Variants in WDR72 observed in about 807,000 individuals in gnomAD.
WDR72 encodes WD repeat-containing protein 72.
Under a neutral mutation model 124.2 loss-of-function variants are expected in WDR72, and 120 were observed. The observed-to-expected ratio is 0.97, with a 90% confidence interval of 0.83 to 1.12. The LOEUF is 1.12. WDR72 is among the 50% of genes most tolerant of loss of function. WDR72 has a pLI of 0.00. For synonymous variants in WDR72, 452 were observed against 441.7 expected (o/e 1.02, Z -0.29); for missense variants, 1,387 against 1,278.8 (o/e 1.08, Z -1.29).
chr15:53,725,736 T>A lies in WDR72; in HGVS notation c.154-2828A>T, dbSNP rs141488668. 3.5e-3 allele frequency among the ~76,000 whole-genome samples: 533 copies of A among 152,192 alleles called. 6 individuals are homozygous for A. The highest frequency in any genetic ancestry group is 0.012 in the African/African-American group (510 of 41,534). On this transcript the variant is annotated intron_variant, in intron 2 of 19. Transcript: ENST00000360509. Reference sequence around the variant, plus strand: ...TTATGATTCCAACTATACGACATTGTGGAAAAGGCAAAACTTAGCAGACAA... The same window carrying A: ...TTATGATTCCAACTATACGACATTGAGGAAAAGGCAAAACTTAGCAGACAA...
chr15:53,722,348 G>C (rs554036259), intron 3 of WDR72, among the ~76,000 whole-genome samples: 3 of 152,216 alleles, frequency 2.0e-5, no homozygotes, highest in African/African-American at 7.2e-5. Flanking sequence ...TAGTTTTATA[G>C]TAGCATCAGA....
chr15:53,752,286 G>A (rs1044708213), intron 1 of WDR72, among the ~76,000 whole-genome samples: 1 of 152,090 alleles, frequency 6.6e-6, no homozygotes, highest in Non-Finnish European at 1.5e-5. Flanking sequence ...GCCCTAACTC[G>A]GAGTACCTCC....
intron 14 of WDR72, among the ~76,000 whole-genome samples, chr15:53,649,083 A>G (rs1325876420): frequency 6.6e-6 from 1 of 152,150 alleles, no homozygotes; most frequent in Non-Finnish European, 1.5e-5. Flanking sequence ...GGCCTATTAT[A>G]GTCAATTATA....
At position 53,637,831 on chromosome 15, in the gene WDR72, GA is replaced by G. The variant is rs200635451; in HGVS notation, c.1963-21589del. Among the ~76,000 whole-genome samples the G allele has an allele frequency of 8.5e-5, 13 of 152,228 alleles. No individual in the cohort carries two copies. In the East Asian group the frequency reaches 2.5e-3, roughly 29 times the overall value. On this transcript the variant is annotated intron_variant, in intron 14 of 19. Transcript: ENST00000360509. The stretch of plus-strand genomic sequence containing the variant: ...ATATTTTTAGCCTTAGGCATTCACA[GA>G]AACTGTTCATGCGTGAAAGTGTGAG...
At chr15:53,533,534 C>G (rs1892597347) in intron 18 of WDR72, among the ~76,000 whole-genome samples, 1 of 152,078 alleles carries the variant, frequency 6.6e-6, no homozygotes, top group Admixed American at 6.6e-5. Flanking sequence ...AGTAGAAAAC[C>G]CACAAGGACC....
intron 11 of WDR72, 37 bp from the exon 12 acceptor site, chr15:53,702,391 A>C: frequency 1.3e-6 from 2 of 1,521,224 alleles, no homozygotes; most frequent in Non-Finnish European, 1.8e-6. Flanking sequence ...TACAGATGTT[A>C]TTTTTGTTCA....
At chr15:53,667,377 G>A (rs917494345) in intron 13 of WDR72, among the ~76,000 whole-genome samples, 1 of 151,938 alleles carries the variant, frequency 6.6e-6, no homozygotes, top group South Asian at 2.1e-4. Context: ...CACAAAGTTC[G>A]TCACAATGGT....
At chr15:53,748,574 A>G (rs2018698699) in intron 1 of WDR72, among the ~76,000 whole-genome samples, 1 of 152,032 alleles carries the variant, frequency 6.6e-6, no homozygotes, top group African/African-American at 2.4e-5. Flanking sequence ...CCTTTCCTCT[A>G]CCTTTCAAAA....
intron 18 of WDR72, among the ~76,000 whole-genome samples, chr15:53,558,066 C>T (rs532235585): frequency 6.6e-6 from 1 of 152,070 alleles, no homozygotes; most frequent in South Asian, 2.1e-4. Flanking sequence ...GAGTAGAGGA[C>T]TCAGAACAAA....
intron 18 of WDR72, among the ~76,000 whole-genome samples, chr15:53,554,181 G>T (rs1203618639): frequency 1.3e-5 from 2 of 151,982 alleles, no homozygotes; most frequent in Admixed American, 6.6e-5. Flanking sequence ...GACTATGATA[G>T]TCTTCTTCAC....
chr15:53,523,024 C>T, intron 19 of WDR72, among the ~76,000 whole-genome samples, 194 bp downstream of exon 19: 1 of 151,910 alleles, frequency 6.6e-6, no homozygotes, highest in East Asian at 1.9e-4. Context: ...GTACTTCCTC[C>T]AACTGAATTC....
intron 13 of WDR72, among the ~76,000 whole-genome samples, chr15:53,690,710 T>C (rs1326670872): frequency 1.3e-5 from 2 of 152,208 alleles, no homozygotes; most frequent in African/African-American, 4.8e-5. Flanking sequence ...CCTCCATTGA[T>C]GGACATTTAG....
intron 13 of WDR72, among the ~76,000 whole-genome samples, chr15:53,668,996 A>AGGGGAAGGAGAAGGAGAAGGAGGAGGG (rs781054932): frequency 9.5e-6 from 1 of 105,068 alleles, no homozygotes; most frequent in African/African-American, 3.1e-5. Context: ...AAGGAGGAGG[A>AGGGGAAGGAGAAGGAGAAGGAGGAGGG]GAAGGAGAAG....
chr15:53,541,846 GCAGAAGCCT>G (rs2140260127), intron 18 of WDR72, among the ~76,000 whole-genome samples: 1 of 121,234 alleles, frequency 8.2e-6, no homozygotes, highest in East Asian at 2.3e-4. Context: ...CGTGAAGAAT[GCAGAAGCCT>G]CAGGAGCCGA....
intron 19 of WDR72, among the ~76,000 whole-genome samples, chr15:53,522,446 GATA>G (rs1891855993): frequency 6.6e-6 from 1 of 152,018 alleles, no homozygotes; most frequent in Admixed American, 6.6e-5. Context: ...TTTCATTCAT[GATA>G]ATAAGGTACC....
rs2017647903 is a variant in WDR72 at position 53,714,472 on chromosome 15, T to C, written c.553A>G (p.Lys185Glu). The change falls in exon 6 of 20, where the codon AAA (lysine) becomes GAA (glutamate). Residue 185 changes from lysine (K) to glutamate (E), a missense_variant. By Grantham distance (56) the Lys-to-Glu change is moderately conservative. Coordinates refer to ENST00000360509, the MANE Select transcript of WDR72 (RefSeq NM_182758.4). Reference sequence around the variant, plus strand: ...ATAGATGAGGAAAGATCCCATACTTTGAGCTCACCAGCTACTGATACCACC... The same window carrying C: ...ATAGATGAGGAAAGATCCCATACTTCGAGCTCACCAGCTACTGATACCACC... ...LLVVSVAGEL[K>E]VWDLSSSINS... The C allele has an allele frequency of 6.2e-7, 1 of 1,613,952 alleles. No homozygotes were observed.
intron 19 of WDR72, among the ~76,000 whole-genome samples, chr15:53,518,691 C>A (rs1309234268): frequency 1.3e-5 from 2 of 151,702 alleles, no homozygotes; most frequent in Admixed American, 1.3e-4. Flanking sequence ...CCATCTCCAA[C>A]ACTCCAGTCC....
chr15:53,527,889 A>T (rs1892215269), intron 18 of WDR72, among the ~76,000 whole-genome samples: 1 of 152,086 alleles, frequency 6.6e-6, no homozygotes, highest in Non-Finnish European at 1.5e-5. Flanking sequence ...TATGGTAGCC[A>T]AGAGTTGAAT....
intron 14 of WDR72, among the ~76,000 whole-genome samples, chr15:53,633,562 G>A (rs773130264): frequency 6.6e-6 from 1 of 151,966 alleles, no homozygotes; most frequent in Non-Finnish European, 1.5e-5. Context: ...TCTCTCAATA[G>A]CACCACAAAA....
Sources: gnomAD v4.1 joint callset for allele counts (sites outside exome capture counted in the v4.1 genomes callset) on GRCh38, gnomAD v4.1.1 for gene constraint, MANE v1.5 for transcripts, NCBI Gene and HGNC (gene_info 2026-07-23, HGNC 2026-07-21) for gene names.